ARPC1B: variants seen among roughly 807,000 people sequenced by gnomAD.
ARPC1B encodes the protein actin related protein 2/3 complex subunit 1B, also known as actin-related protein 2/3 complex subunit 1B.
Under a neutral mutation model 46.0 loss-of-function variants are expected in ARPC1B, and 29 were observed. That is an observed-to-expected ratio of 0.63 (90% CI 0.47 to 0.86). The LOEUF (loss-of-function observed/expected upper bound fraction) is 0.86. Among genes scored for constraint, ARPC1B ranks in the 40% least tolerant of loss-of-function variants. The pLI, the probability that ARPC1B is intolerant of heterozygous loss-of-function variation, is 0.00. For synonymous variants in ARPC1B, 201 were observed against 213.9 expected (o/e 0.94, Z 0.53); for missense variants, 469 against 529.4 (o/e 0.89, Z 1.12).
rs1486953959 is a variant in ARPC1B, at chr7:99,389,977, G to A, written c.465G>A (p.Val155=). The A allele has an allele frequency of 1.2e-6, 2 of 1,614,064 alleles. No individual in the cohort carries two copies. Among genetic ancestry groups the A allele is most frequent in the African/African-American group, 1.3e-5 (1 of 74,952 alleles). The change falls in exon 5 of 10, where the codon GTG becomes GTA. Residue 155 remains valine (V), a synonymous_variant. Coordinates refer to ENST00000646101, the MANE Select transcript of ARPC1B (RefSeq NM_005720.4). ...VLSLDWHPNN[V]LLAAGSCDFK... is the part of the protein sequence containing the mutation. ...GCCTGGACTGGCACCCCAACAATGT[G>A]CTGCTGGCTGCCGGCTCCTGTGACT...
intron 2 of ARPC1B, chr7:99,386,250 CAAAA>C (rs397941748): frequency 7.0e-6 from 2 of 286,986 alleles, no homozygotes; most frequent in Non-Finnish European, 1.3e-5. Flanking sequence ...GACTCTGTCT[CAAAA>C]AAAAAAAAAG....
At chr7:99,386,144 G>C (rs139541450) in intron 2 of ARPC1B, among the ~76,000 whole-genome samples, 1 of 151,540 alleles carries the variant, frequency 6.6e-6, no homozygotes, top group African/African-American at 2.4e-5. Flanking sequence ...CCAGCTACTC[G>C]GGGGGCTGAG....
intron 2 of ARPC1B, chr7:99,386,472 G>C (rs1280674179): frequency 3.1e-6 from 2 of 647,344 alleles, no homozygotes; most frequent in Middle Eastern, 2.4e-4. Context: ...GAGGTCCCAG[G>C]GTTCATTGCT....
chr7:99,386,844 G>T (rs1433960177), intron 3 of ARPC1B, 55 bp downstream of exon 3: 2 of 1,390,906 alleles, frequency 1.4e-6, no homozygotes, highest in Non-Finnish European at 2.0e-6. Flanking sequence ...GGTTGGGGGG[G>T]TGGTGCAAGG....
chr7:99,381,877 C>T (rs1008266641), intron 1 of ARPC1B, among the ~76,000 whole-genome samples: 10 of 152,206 alleles, frequency 6.6e-5, no homozygotes, highest in Non-Finnish European at 8.8e-5. Context: ...AGGGCAGTGA[C>T]GGGGCAGCCA....
chr7:99,389,634 G>A, intron 4 of ARPC1B: 1 of 411,198 alleles, frequency 2.4e-6, no homozygotes, highest in South Asian at 2.8e-5. Context: ...TGTGACCTCT[G>A]GTGATGGCAT....
intron 1 of ARPC1B, among the ~76,000 whole-genome samples, chr7:99,378,491 C>G (rs182834515): frequency 0.01 from 1,569 of 151,624 alleles, 24 homozygotes; most frequent in African/African-American, 0.035. Context: ...CCAGCCTGTC[C>G]AACATGGTGA....
chr7:99,374,269 C>A (rs1330324920), upstream of ARPC1B: 1 of 151,830 alleles, frequency 6.6e-6, no homozygotes, highest in African/African-American at 2.4e-5. This position sits in a 1 kb window ranked among gnomAD's most constrained non-coding sequence, Gnocchi z 5.0. Flanking sequence ...ACAGTTGGCG[C>A]CCACCGGCAT....
intron 1 of ARPC1B, among the ~76,000 whole-genome samples, chr7:99,375,622 G>A (rs915886979): frequency 1.3e-5 from 2 of 152,216 alleles, no homozygotes; most frequent in Non-Finnish European, 1.5e-5. Context: ...GCAGCCCGGA[G>A]GCTACCACCA....
At chr7:99,378,774 CTTTTTTTTT>C (rs761084621) in intron 1 of ARPC1B, among the ~76,000 whole-genome samples, 1 of 106,554 alleles carries the variant, frequency 9.4e-6, no homozygotes, top group Non-Finnish European at 1.7e-5. Flanking sequence ...TTTTCTTTTT[CTTTTTTTTT>C]TTTTTTTTTT....
At chr7:99,392,438 C>T (rs1377091751) in intron 7 of ARPC1B, among the ~76,000 whole-genome samples, 3 of 152,228 alleles carry the variant, frequency 2.0e-5, no homozygotes, top group Non-Finnish European at 4.4e-5. Context: ...CTGGGCAGGA[C>T]AGAAGGCGCC....
chr7:99,390,812 C>T, intron 5 of ARPC1B, 81 bp from the exon 6 acceptor site: 1 of 1,330,678 alleles, frequency 7.5e-7, no homozygotes, highest in Non-Finnish European at 1.0e-6. Context: ...ATCCTCCCGC[C>T]TCAGCCTCCT....
At chr7:99,386,970 T>G (rs1339679039) in intron 3 of ARPC1B, among the ~76,000 whole-genome samples, 181 bp downstream of exon 3, 1 of 152,208 alleles carries the variant, frequency 6.6e-6, no homozygotes, top group Non-Finnish European at 1.5e-5. Context: ...CTCACAGGGT[T>G]GAGGGCTTCA....
In ARPC1B at chr7:99,378,931, C is replaced by G. The variant is rs536884316; in HGVS notation, c.-14+4150C>G. 2.2e-4 allele frequency among the ~76,000 whole-genome samples: 34 copies of G among 151,728 alleles called. No homozygotes were observed. The East Asian group carries it at 5.7e-3, about 26-fold the overall frequency. On this transcript the variant is annotated intron_variant, in intron 1 of 9. Transcript: ENST00000646101. ...AGCTGGGACTACAGGCGCCCGCCAC[C>G]ACGCCCGGCTTAATTTTTTGTATTT...
intron 4 of ARPC1B, chr7:99,389,565 C>T: frequency 3.9e-6 from 1 of 258,718 alleles, no homozygotes; most frequent in Non-Finnish European, 7.6e-6. Flanking sequence ...AGGGCAGAGG[C>T]CAGCCAGGAG....
intron 5 of ARPC1B, among the ~76,000 whole-genome samples, chr7:99,390,580 A>G (rs1794540429): frequency 6.6e-6 from 1 of 151,114 alleles, no homozygotes; most frequent in African/African-American, 2.4e-5. Flanking sequence ...GGTTTTCACC[A>G]TGTTGGCCAG....
rs776899701 is a variant in ARPC1B, at chr7:99,394,528, G to A, written c.*39G>A. The A allele has an allele frequency of 5.0e-6, 8 of 1,613,822 alleles. No individual in the cohort carries two copies. In the African/African-American group the frequency reaches 9.3e-5, roughly 19 times the overall value. On this transcript the variant is annotated 3_prime_UTR_variant, in exon 10 of 10. Transcript: ENST00000646101. ...TGTTGCCTTCATCCTAGCTGCTGGG[G>A]AAGCGGGGAGAGGGGTCAGGGAGGC... is the stretch of plus-strand genomic sequence containing the variant.
rs567796451 is a variant in ARPC1B at position 99,380,218 on chromosome 7, G to T, written c.-14+5437G>T. ...AGGATGATGAAGTTGGAGTGTCCCC[G>T]GCTAGAATCCCTGAGGCAGGAGACT... On this transcript the variant is annotated intron_variant, in intron 1 of 9. Transcript: ENST00000646101. Among the ~76,000 whole-genome samples the T allele has an allele frequency of 2.7e-3, 412 of 152,270 alleles. 5 individuals carry two copies. Among genetic ancestry groups the T allele is most frequent in the Non-Finnish European group, 4.5e-3 (304 of 68,018 alleles).
chr7:99,382,402 G>GA (rs112909636), intron 1 of ARPC1B, among the ~76,000 whole-genome samples: 3,818 of 93,140 alleles, frequency 0.041, 77 homozygotes, highest in African/African-American at 0.055. Context: ...ACTTCATCTC[G>GA]AAAAAAAAAA....
Sources: allele counts gnomAD v4.1 joint callset (sites outside exome capture counted in the v4.1 genomes callset), GRCh38; gene constraint gnomAD v4.1.1; non-coding constraint Gnocchi (gnomAD v3.1); transcripts MANE v1.5; gene names NCBI Gene and HGNC (gene_info 2026-07-23, HGNC 2026-07-21).